KALRN: variants seen among roughly 807,000 people sequenced by gnomAD.
KALRN encodes the protein kalirin.
In KALRN, 70 loss-of-function variants were observed where a neutral mutation model predicts 353.7. The observed-to-expected ratio is 0.20, with a 90% CI of 0.16 to 0.24. KALRN has a LOEUF of 0.24. KALRN is among the 10% of genes least tolerant of loss of function. The pLI is 1.00. For synonymous variants in KALRN, 1,391 were observed against 1,434.8 expected (o/e 0.97, Z 0.69); for missense variants, 2,791 against 3,756.7 (o/e 0.74, Z 6.72).
intron 7 of KALRN, among the ~76,000 whole-genome samples, chr3:124,329,236 A>C (rs2080249683): frequency 2.0e-5 from 3 of 152,242 alleles, no homozygotes. Context: ...TATATATCAC[A>C]ACCTGGGATG....
rs2079563022 is a variant in KALRN, at chr3:124,234,849, G to A, written c.169G>A (p.Gly57Arg). 1.9e-6 allele frequency: 3 copies of A among 1,605,102 alleles called. No homozygotes were observed. The highest frequency in any genetic ancestry group is 8.5e-7 in the Non-Finnish European group (1 of 1,175,330). ...TGCAGGGGGTCGTGATAAGCGAGGC[G>A]GACCCATCCTGACCTTCCCTGCTCG... is the stretch of plus-strand genomic sequence containing the variant. ...FVSGGRDKRG[G>R]PILTFPARSN... Residue 57 changes from glycine (G) to arginine (R), a missense_variant, in exon 3 of 60, where the codon GGA becomes AGA. By Grantham distance (125) the Gly-to-Arg change is moderately radical (BLOSUM62 -2). Transcript: ENST00000682506.
chr3:124,430,886 T>C (rs111657340), intron 16 of KALRN, 111 bp downstream of exon 16: 5 of 1,326,848 alleles, frequency 3.8e-6, no homozygotes, highest in Non-Finnish European at 5.1e-6. Flanking sequence ...GCTGTACCCC[T>C]TCTAGTAGAA....
At position 124,163,602 on chromosome 3, in the gene KALRN, A is replaced by G. The variant is rs2070356920; in HGVS notation, c.74-64388A>G. ...GCTGGACACATAATAGGTTGAACACATAATAGGTTCTAACATGGATCTGCA... is the reference window on the plus strand; with the variant it reads ...GCTGGACACATAATAGGTTGAACACGTAATAGGTTCTAACATGGATCTGCA... On this transcript the variant is annotated intron_variant, in intron 1 of 59. Coordinates refer to ENST00000682506, the MANE Select transcript of KALRN (RefSeq NM_001388419.1). The G allele has an allele frequency of 1.3e-5, 13 of 985,216 alleles. No individual in the cohort carries two copies. The South Asian group carries it at 4.2e-4, about 32-fold the overall frequency. 61.0% of individuals were successfully genotyped at this position (985,216 alleles called of 1,614,324 possible).
At chr3:124,670,521 GCATC>G (rs3836302) in intron 47 of KALRN, among the ~76,000 whole-genome samples, 4,235 of 152,274 alleles carry the variant, frequency 0.028, 76 homozygotes, top group East Asian at 0.078. Flanking sequence ...ATGTGTGCAG[GCATC>G]TCAGAGCCAA....
intron 10 of KALRN, among the ~76,000 whole-genome samples, chr3:124,356,560 C>A (rs1190852719): frequency 1.3e-5 from 2 of 152,072 alleles, no homozygotes; most frequent in Non-Finnish European, 2.9e-5. Flanking sequence ...TCTTGAACTC[C>A]TGACCTCAGG....
chr3:124,474,180 A>G (rs1262710149), intron 25 of KALRN, among the ~76,000 whole-genome samples: 2 of 152,200 alleles, frequency 1.3e-5, no homozygotes, highest in African/African-American at 4.8e-5. Flanking sequence ...TTTAATACAT[A>G]GTTTTTAGTA....
At chr3:124,089,902 T>C (rs1292612346) in intron 1 of KALRN, among the ~76,000 whole-genome samples, 1 of 152,172 alleles carries the variant, frequency 6.6e-6, no homozygotes, top group Non-Finnish European at 1.5e-5. Flanking sequence ...CCCTCCTCTA[T>C]GCCTTCCTTT....
At chr3:124,234,155 T>C (rs1550752) in intron 2 of KALRN, among the ~76,000 whole-genome samples, 143,913 of 152,304 alleles carry the variant, frequency 0.94, 68,546 homozygotes, top group East Asian at 1. Flanking sequence ...TCAGTATGTA[T>C]GTATGCATTT....
chr3:124,359,160 T>G (rs1300215696), intron 10 of KALRN, among the ~76,000 whole-genome samples: 4 of 152,208 alleles, frequency 2.6e-5, no homozygotes, highest in Non-Finnish European at 5.9e-5. Flanking sequence ...ACCCAAAAGG[T>G]GTCTATGCAG....
At chr3:124,557,756 G>C (rs748697029) in intron 33 of KALRN, among the ~76,000 whole-genome samples, 50 of 152,274 alleles carry the variant, frequency 3.3e-4, no homozygotes, top group South Asian at 1.5e-3. Context: ...AGAGGAGGTC[G>C]GACTTATCTG....
rs540825534 is a variant in KALRN, at chr3:124,496,527, T to G, written c.4935+114T>G. On this transcript the variant is annotated intron_variant, in intron 33 of 59. Transcript: ENST00000682506. ...TATGGATCCTACCTTCAGGAGCCAGTTGTCTCTTTGTGCCAGCCAAGGAGG... is the reference window on the plus strand; with the variant it reads ...TATGGATCCTACCTTCAGGAGCCAGGTGTCTCTTTGTGCCAGCCAAGGAGG... The G allele has an allele frequency of 1.2e-4, 87 of 749,688 alleles. No homozygotes were observed. In the African/African-American group the frequency reaches 1.2e-3, roughly 10 times the overall value. 46.4% of individuals were successfully genotyped at this position (749,688 alleles called of 1,614,324 possible).
intron 33 of KALRN, among the ~76,000 whole-genome samples, chr3:124,550,234 A>G (rs528355524): frequency 6.6e-5 from 10 of 152,234 alleles, no homozygotes; most frequent in African/African-American, 2.4e-4. Context: ...CTCCAAAAAT[A>G]TTTTGAGATT....
chr3:124,507,675 G>A (rs2065385186), intron 33 of KALRN, among the ~76,000 whole-genome samples: 1 of 152,172 alleles, frequency 6.6e-6, no homozygotes, highest in Non-Finnish European at 1.5e-5. Context: ...ATATGTGACA[G>A]TATGTGATGA....
chr3:124,289,178 T>TGGGG (rs146899658), intron 5 of KALRN, among the ~76,000 whole-genome samples: 1 of 151,724 alleles, frequency 6.6e-6, no homozygotes, highest in African/African-American at 2.4e-5. Context: ...AATTCCATCA[T>TGGGG]GGGGGGGGTC....
chr3:124,322,527 G>T (rs1460807795), intron 6 of KALRN, among the ~76,000 whole-genome samples: 1 of 152,108 alleles, frequency 6.6e-6, no homozygotes, highest in Non-Finnish European at 1.5e-5. Context: ...GGGGGCAGCT[G>T]GTAGGAAATG....
Position 124,347,174 on chromosome 3 carries a change from C to G in KALRN, c.1679C>G (p.Ala560Gly), listed in dbSNP as rs753908960. ...VLDWIENHGE[A>G]FLSKHTGVGK... ...GACTGGATTGAAAACCATGGTGAGG[C>G]CTTTCTCAGCAAACACACTGGAGTT... The change falls in exon 10 of 60, where the codon GCC becomes GGC. Residue 560 changes from alanine to glycine, a missense_variant. Transcript: ENST00000682506. 3.5e-5 allele frequency: 56 copies of G among 1,613,878 alleles called. No individual in the cohort carries two copies. Among genetic ancestry groups the G allele is most frequent in the Non-Finnish European group, 4.2e-5 (50 of 1,179,974 alleles).
intron 10 of KALRN, among the ~76,000 whole-genome samples, chr3:124,368,879 C>T (rs181268664): frequency 1.9e-3 from 287 of 152,350 alleles, no homozygotes; most frequent in African/African-American, 6.3e-3. Context: ...GCCAACACAG[C>T]GAAACCCCAT....
At position 124,236,705 on chromosome 3, in the gene KALRN, C is replaced by T. The variant is rs189966842; in HGVS notation, c.263+1762C>T. ...TAAGCAAAGAGTGGGACAAAACAGA[C>T]GGGAAGCAATTTAAAAAGAAAAGAT... is the stretch of plus-strand genomic sequence containing the variant. On this transcript the variant is annotated intron_variant, in intron 3 of 59. Coordinates refer to ENST00000682506, the MANE Select transcript of KALRN (RefSeq NM_001388419.1). Among the ~76,000 whole-genome samples, 70 of 152,132 alleles carry T rather than the reference C, an allele frequency of 4.6e-4. 1 individual carries two copies. Among genetic ancestry groups the T allele is most frequent in the Middle Eastern group, 3.4e-3 (1 of 294 alleles).
chr3:124,363,395 C>A (rs1457663561), intron 10 of KALRN, among the ~76,000 whole-genome samples: 1 of 152,150 alleles, frequency 6.6e-6, no homozygotes, highest in Admixed American at 6.5e-5. Flanking sequence ...AGAGCTACCC[C>A]ACCTATATGT....
Sources: allele counts gnomAD v4.1 joint callset (sites outside exome capture counted in the v4.1 genomes callset), GRCh38; gene constraint gnomAD v4.1.1; transcripts MANE v1.5; gene names NCBI Gene and HGNC (gene_info 2026-07-23, HGNC 2026-07-21).